SEC24A: variants seen among roughly 807,000 people sequenced by gnomAD.
SEC24A encodes SEC24 homolog A, COPII component, also known as protein transport protein Sec24A.
SEC24A carries 93 observed loss-of-function variants against 129.4 expected under a neutral mutation model. The observed-to-expected ratio is 0.72, with a 90% CI of 0.61 to 0.85. The LOEUF (loss-of-function observed/expected upper bound fraction) is 0.85. Ranked by LOEUF, SEC24A falls within the 40% of genes least tolerant of loss-of-function variation. SEC24A has a pLI of 0.00. For missense variants in SEC24A, 1,264 were observed against 1,307.4 expected, an observed-to-expected ratio of 0.97 and a Z score of 0.51; for synonymous variants, 460 against 467.3, an observed-to-expected ratio of 0.98 and a Z score of 0.20.
chr5:134,652,082 C>T (rs527847841), intron 1 of SEC24A, among the ~76,000 whole-genome samples: 7 of 150,642 alleles, frequency 4.6e-5, no homozygotes, highest in East Asian at 2.0e-4. Context: ...CCACCACACC[C>T]GGCTAATTTT....
intron 9 of SEC24A, 85 bp from the exon 10 acceptor site, chr5:134,686,705 A>G: frequency 3.0e-6 from 2 of 674,326 alleles, no homozygotes; most frequent in South Asian, 2.2e-5. Flanking sequence ...AATGCTTTTT[A>G]AATTGTTTTG....
chr5:134,663,151 C>T (rs1750532137), intron 2 of SEC24A, among the ~76,000 whole-genome samples: 1 of 152,088 alleles, frequency 6.6e-6, no homozygotes, highest in Non-Finnish European at 1.5e-5. Flanking sequence ...GTGGTGCAAT[C>T]CTAGTGTCAT....
At chr5:134,674,147 TAAATA>T (rs1012732722) in intron 4 of SEC24A, among the ~76,000 whole-genome samples, 8 of 152,180 alleles carry the variant, frequency 5.3e-5, no homozygotes, top group South Asian at 2.1e-4. Context: ...AATAAAATGA[TAAATA>T]AAATAAAATA....
intron 1 of SEC24A, among the ~76,000 whole-genome samples, chr5:134,657,213 C>A (rs1027156672): frequency 6.6e-5 from 10 of 151,172 alleles, no homozygotes; most frequent in African/African-American, 2.2e-4. Context: ...CACACACACA[C>A]AACCAAAACT....
At chr5:134,660,575 CTTTTT>C (rs551519421) in intron 1 of SEC24A, among the ~76,000 whole-genome samples, 1 of 139,312 alleles carries the variant, frequency 7.2e-6, no homozygotes. Flanking sequence ...TTTAGTCCAT[CTTTTT>C]TTTTTTTTTT....
chr5:134,686,335 A>G (rs989647878), intron 9 of SEC24A, among the ~76,000 whole-genome samples: 1 of 151,960 alleles, frequency 6.6e-6, no homozygotes, highest in African/African-American at 2.4e-5. Context: ...CTCAGGTTCA[A>G]GTGATCCTCC....
chr5:134,683,093 G>T (rs1045512858), intron 9 of SEC24A, among the ~76,000 whole-genome samples: 9 of 151,838 alleles, frequency 5.9e-5, no homozygotes, highest in Admixed American at 3.9e-4. Context: ...TGTGATCTTG[G>T]CTCACTGCAA....
In SEC24A at chr5:134,723,638, G is replaced by C; in HGVS notation, c.3135G>C (p.Gln1045His). The C allele has an allele frequency of 6.2e-7, 1 of 1,610,994 alleles. No homozygotes were observed. The highest frequency in any genetic ancestry group is 2.2e-5 in the East Asian group (1 of 44,820). ...CTTTCATCTCTTGGCTTAGAGAGCA[G>C]AGACCATTTTTCCCAATACTTTATG... ...IIAFISWLRE[Q>H]RPFFPILYVI... The change falls in exon 22 of 23, where the codon CAG becomes CAC. Residue 1045 changes from glutamine to histidine, a missense_variant. Transcript: ENST00000398844.
Position 134,688,220 on chromosome 5 carries a change from A to C in SEC24A, c.1644A>C (p.Thr548=), listed in dbSNP as rs752522444. ...CTAGAACAAAAATTGGCTTCATAAC[A>C]TTTGACAGTACAATCCATTTCTACG... The part of the protein sequence containing the change: ...GNTRTKIGFI[T]FDSTIHFYGL... The change falls in exon 11 of 23, where the codon ACA becomes ACC. Residue 548 remains threonine, a synonymous_variant. Transcript: ENST00000398844. 6.2e-7 allele frequency: 1 copy of C among 1,613,212 alleles called. No individual in the cohort carries two copies. The highest frequency in any genetic ancestry group is 8.5e-7 in the Non-Finnish European group (1 of 1,179,430).
intron 22 of SEC24A, among the ~76,000 whole-genome samples, 177 bp downstream of exon 22, chr5:134,723,847 C>G (rs1429696671): frequency 6.6e-6 from 1 of 152,076 alleles, no homozygotes; most frequent in Non-Finnish European, 1.5e-5. Context: ...TTTTAATTGA[C>G]TAATAATAAG....
At chr5:134,669,226 G>A (rs1750769039) in intron 3 of SEC24A, among the ~76,000 whole-genome samples, 1 of 151,508 alleles carries the variant, frequency 6.6e-6, no homozygotes, top group Non-Finnish European at 1.5e-5. Context: ...GAGTGCAATG[G>A]TGCGATCTCG....
intron 22 of SEC24A, among the ~76,000 whole-genome samples, chr5:134,724,771 G>T (rs982181428): frequency 5.3e-5 from 8 of 152,122 alleles, no homozygotes; most frequent in African/African-American, 1.9e-4. Flanking sequence ...TGGAATTTCT[G>T]GATCAACTAT....
intron 1 of SEC24A, among the ~76,000 whole-genome samples, chr5:134,657,699 C>G (rs1160514703): frequency 6.6e-6 from 1 of 152,120 alleles, no homozygotes; most frequent in Non-Finnish European, 1.5e-5. Context: ...GCCTCAGCCT[C>G]CCAAGTAGCT....
chr5:134,698,719 C>T (rs539616578), intron 15 of SEC24A, among the ~76,000 whole-genome samples: 8 of 150,452 alleles, frequency 5.3e-5, no homozygotes, highest in Non-Finnish European at 1.2e-4. Flanking sequence ...GCAACCTCCA[C>T]CTCTCGAGTT....
intron 1 of SEC24A, among the ~76,000 whole-genome samples, chr5:134,655,079 G>T (rs917582869): frequency 6.6e-6 from 1 of 152,058 alleles, no homozygotes; most frequent in African/African-American, 2.4e-5. Context: ...GACCTCAGGT[G>T]ATCTGCCCGC....
Position 134,686,957 on chromosome 5 carries a change from AAGT to A in SEC24A, c.1604+59_1604+61del, listed in dbSNP as rs1011233112. 5.1e-6 allele frequency: 5 copies of A among 981,544 alleles called. No individual in the cohort carries two copies. The African/African-American group carries it at 8.4e-5, about 17-fold the overall frequency. 60.8% of individuals were successfully genotyped at this position (981,544 alleles called of 1,614,324 possible). On this transcript the variant is annotated intron_variant, in intron 10 of 22. Transcript: ENST00000398844. ...AACTAATAATATTTTCTAAATGAATAAGTAGTTTTTGAAATTAAAAAATAAAAG... is the reference window on the plus strand; with the variant it reads ...AACTAATAATATTTTCTAAATGAATAAGTTTTTGAAATTAAAAAATAAAAG...
chr5:134,666,114 C>G (rs1750650597), intron 2 of SEC24A, among the ~76,000 whole-genome samples: 1 of 151,492 alleles, frequency 6.6e-6, no homozygotes, highest in Admixed American at 6.6e-5. Context: ...AATGAGACCC[C>G]CGTCTCTATT....
intron 13 of SEC24A, among the ~76,000 whole-genome samples, chr5:134,695,930 G>A (rs1751808411): frequency 7.0e-6 from 1 of 142,778 alleles, no homozygotes; most frequent in African/African-American, 2.7e-5. Context: ...GGGTGACAGA[G>A]TGAGACTCTG....
Position 134,719,489 on chromosome 5 carries a change from C to G in SEC24A, c.2970+1316C>G, listed in dbSNP as rs182046135. Among the ~76,000 whole-genome samples, 22 of 151,876 alleles carry G rather than the reference C, an allele frequency of 1.4e-4. 1 individual carries two copies. In the East Asian group the frequency reaches 4.1e-3, roughly 28 times the overall value. ...GGCAGATTCCTTTAGCCCAGGAATT[C>G]GAGAACAGCCTGGGCAATATAGCAA... On this transcript the variant is annotated intron_variant, in intron 20 of 22. Transcript: ENST00000398844.
Sources: allele counts gnomAD v4.1 joint callset (sites outside exome capture counted in the v4.1 genomes callset), GRCh38; gene constraint gnomAD v4.1.1; transcripts MANE v1.5; gene names NCBI Gene and HGNC (gene_info 2026-07-23, HGNC 2026-07-21).